SHC2: variants seen among roughly 807,000 people sequenced by gnomAD.
The protein encoded by SHC2 is SHC-transforming protein 2.
A neutral mutation model predicts 60.6 loss-of-function variants in SHC2; 62 were observed. The observed-to-expected ratio is 1.02, with a 90% confidence interval of 0.83 to 1.26. The LOEUF is 1.26. SHC2 is among the 50% of genes most tolerant of loss of function. The probability of loss-of-function intolerance (pLI) is 0.00; values close to 1 mark genes in which losing one functional copy is unlikely to be tolerated. For synonymous variants in SHC2, 375 were observed against 372.4 expected (o/e 1.01, Z -0.08); for missense variants, 873 against 822.2 (o/e 1.06, Z -0.76).
chr19:436,799 A>G, intron 4 of SHC2, 116 bp from the exon 5 acceptor site: 1 of 1,038,752 alleles, frequency 9.6e-7, no homozygotes, highest in Non-Finnish European at 1.4e-6. Context: ...GTGGGGATGG[A>G]GACGTCTCCT....
Position 424,460 on chromosome 19 carries a change from G to A in SHC2, c.1309+637C>T, listed in dbSNP as rs548836814. Among the ~76,000 whole-genome samples the A allele has an allele frequency of 1.1e-4, 17 of 152,240 alleles. No homozygotes were observed. The highest frequency in any genetic ancestry group is 3.4e-4 in the African/African-American group (14 of 41,552). ...ACTCATCAGACTAGGGAGACCCAGAGTCAGCGTGCAAGACCAGCGGGCCAG... is the reference window on the plus strand; with the variant it reads ...ACTCATCAGACTAGGGAGACCCAGAATCAGCGTGCAAGACCAGCGGGCCAG... On this transcript the variant is annotated intron_variant, in intron 10 of 12. Transcript: ENST00000264554. The surrounding 1 kb of genome is among the most constrained non-coding windows in gnomAD (Gnocchi z 4.5).
At position 422,075 on chromosome 19, in the gene SHC2, CG is replaced by C. The variant is rs1162738715; in HGVS notation, c.1620+70del. 966 of 229,470 alleles carry C rather than the reference CG, an allele frequency of 4.2e-3. 27 individuals carry two copies. The African/African-American group carries it at 0.058, about 14-fold the overall frequency. The allele number at this position is 229,470 out of a possible 1,614,324, so 14.2% of individuals were successfully genotyped here. On this transcript the variant is annotated intron_variant, in intron 11 of 12. Coordinates refer to ENST00000264554, the MANE Select transcript of SHC2 (RefSeq NM_012435.3). The surrounding 1 kb of genome is among the most constrained non-coding windows in gnomAD (Gnocchi z 5.0). ...TGCCCAGCGAAGCCCCTGGATGCCC[CG>C]AGACCCTCCCACCTGTGCCCAGCGA...
chr19:434,505 T>C (rs903547641), intron 8 of SHC2, among the ~76,000 whole-genome samples: 5 of 1,122 alleles, frequency 4.5e-3, no homozygotes, highest in African/African-American at 0.023. Flanking sequence ...AAATCATGAG[T>C]GAGATCGTGA....
intron 1 of SHC2, among the ~76,000 whole-genome samples, chr19:455,477 G>C (rs531644864): frequency 6.6e-6 from 1 of 152,246 alleles, no homozygotes; most frequent in Non-Finnish European, 1.5e-5. Flanking sequence ...CATTTGCACC[G>C]ATGCTGCCCA....
chr19:440,786 G>T lies in SHC2; in HGVS notation c.539+76C>A. 1 of 1,301,092 alleles carries T rather than the reference G, an allele frequency of 7.7e-7. No homozygotes were observed. The highest frequency in any genetic ancestry group is 1.1e-6 in the Non-Finnish European group (1 of 908,810). The allele number at this position is 1,301,092 out of a possible 1,614,324, so 80.6% of individuals were successfully genotyped here. ...CAGCGCGGCTGTCGGAGAGCCCATC[G>T]CTGCCGCCCTCCAGTGCTGCCGCCC... On this transcript the variant is annotated intron_variant, in intron 2 of 12. Coordinates refer to ENST00000264554, the MANE Select transcript of SHC2 (RefSeq NM_012435.3). This position sits in a 1 kb window ranked among gnomAD's most constrained non-coding sequence, Gnocchi z 7.0.
chr19:443,976 G>A (rs997418933), intron 1 of SHC2, among the ~76,000 whole-genome samples: 19 of 149,262 alleles, frequency 1.3e-4, no homozygotes, highest in Admixed American at 6.6e-5. Context: ...TGGATGGATG[G>A]ACGGATGGTT....
chr19:436,230 T>C lies in SHC2; in HGVS notation c.888A>G (p.Gln296=). The part of the protein sequence containing the change: ...LAQSIISTVG[Q]AFELRFKQYL... ...ACTGCTTGAAGCGCAGCTCGAAAGC[T>C]TGGCCCACGGTGCTGATGATGCTCT... The change falls in exon 7 of 13, where the codon CAA becomes CAG. Residue 296 remains glutamine (Q), a synonymous_variant. Transcript: ENST00000264554. 1 of 1,601,874 alleles carries C rather than the reference T, an allele frequency of 6.2e-7. No homozygotes were observed. Among genetic ancestry groups the C allele is most frequent in the Non-Finnish European group, 8.5e-7 (1 of 1,174,920 alleles).
At chr19:456,131 G>A (rs970786197) in intron 1 of SHC2, among the ~76,000 whole-genome samples, 5 of 152,286 alleles carry the variant, frequency 3.3e-5, no homozygotes, top group Admixed American at 3.3e-4. Flanking sequence ...GTTTCCCTCA[G>A]TGCACAGGGT....
At chr19:454,758 C>A (rs1975293869) in intron 1 of SHC2, among the ~76,000 whole-genome samples, 1 of 151,802 alleles carries the variant, frequency 6.6e-6, no homozygotes, top group South Asian at 2.1e-4. Context: ...CCACGGCACT[C>A]CAGCCTCAGC....
At chr19:443,344 G>A (rs1384133861) in intron 1 of SHC2, among the ~76,000 whole-genome samples, 1 of 145,806 alleles carries the variant, frequency 6.9e-6, no homozygotes, top group Non-Finnish European at 1.5e-5. Flanking sequence ...GTGGATGGAT[G>A]TGTAGGTGGA....
chr19:420,349 C>T (rs116670496), intron 11 of SHC2, among the ~76,000 whole-genome samples: 1 of 152,174 alleles, frequency 6.6e-6, no homozygotes, highest in Non-Finnish European at 1.5e-5. Context: ...GTGTGCTTCA[C>T]GCAGAGACCA....
At chr19:421,626 G>T (rs765814147) in intron 11 of SHC2, among the ~76,000 whole-genome samples, 1 of 152,150 alleles carries the variant, frequency 6.6e-6, no homozygotes, top group Non-Finnish European at 1.5e-5. Flanking sequence ...TGATAAATGG[G>T]GGGGGAGAGC....
chr19:456,435 G>A (rs1029850236), intron 1 of SHC2, among the ~76,000 whole-genome samples: 2 of 152,070 alleles, frequency 1.3e-5, no homozygotes, highest in Non-Finnish European at 2.9e-5. Flanking sequence ...CCTGGCCTGG[G>A]CCACCGCCGT....
intron 1 of SHC2, among the ~76,000 whole-genome samples, chr19:460,264 G>GC (rs1457440472): frequency 2.0e-5 from 3 of 152,042 alleles, no homozygotes; most frequent in African/African-American, 7.2e-5. Flanking sequence ...TCCGAGTGGG[G>GC]GGCGGTGCAC....
chr19:440,362 T>G lies in SHC2; in HGVS notation c.539+500A>C, dbSNP rs539645043. 2.0e-5 allele frequency among the ~76,000 whole-genome samples: 3 copies of G among 152,272 alleles called. No individual in the cohort carries two copies. The highest frequency in any genetic ancestry group is 6.5e-5 in the Admixed American group (1 of 15,304). ...ATATCTCACATACGCACGTGTAAAC[T>G]GTCTCACATGGTTTTTTTAAGTCTA... On this transcript the variant is annotated intron_variant, in intron 2 of 12. Transcript: ENST00000264554. This position sits in a 1 kb window ranked among gnomAD's most constrained non-coding sequence, Gnocchi z 7.0.
Position 454,863 on chromosome 19 carries a change from C to T in SHC2, c.468+5666G>A, listed in dbSNP as rs1975297795. ...GCCGGAAGCCCGTCCCCTCTGGAGG[C>T]AGCAGGGGAAGGCCCGTCCTGCCTC... On this transcript the variant is annotated intron_variant, in intron 1 of 12. Transcript: ENST00000264554. Among the ~76,000 whole-genome samples the T allele has an allele frequency of 2.0e-5, 3 of 152,086 alleles. No individual in the cohort carries two copies. The South Asian group carries it at 6.2e-4, about 32-fold the overall frequency.
At chr19:443,072 T>G (rs1600307339) in intron 1 of SHC2, among the ~76,000 whole-genome samples, 1 of 114,588 alleles carries the variant, frequency 8.7e-6, no homozygotes, top group African/African-American at 3.4e-5. Context: ...AGTGGATGGG[T>G]GGGTGGATGG....
rs529665935 is a variant in SHC2 at position 425,801 on chromosome 19, G to A, written c.1175-570C>T. ...CCCAGCACTTTGGGAGGCCGAGGTG[G>A]GTGAATCATTTGAGGTCAGGAGTTC... On this transcript the variant is annotated intron_variant, in intron 9 of 12. Transcript: ENST00000264554. This position sits in a 1 kb window ranked among gnomAD's most constrained non-coding sequence, Gnocchi z 4.1. 1.1e-4 allele frequency among the ~76,000 whole-genome samples: 16 copies of A among 152,106 alleles called. No homozygotes were observed. Among genetic ancestry groups the A allele is most frequent in the Non-Finnish European group, 1.9e-4 (13 of 67,992 alleles).
chr19:418,084 C>G (rs544398239), intron 12 of SHC2, among the ~76,000 whole-genome samples: 12 of 152,318 alleles, frequency 7.9e-5, no homozygotes, highest in East Asian at 1.9e-4. Flanking sequence ...TCACCCAGAC[C>G]TGCCTGTCCC....
Sources: allele counts gnomAD v4.1 joint callset (sites outside exome capture counted in the v4.1 genomes callset), GRCh38; gene constraint gnomAD v4.1.1; non-coding constraint Gnocchi (gnomAD v3.1); transcripts MANE v1.5; gene names NCBI Gene and HGNC (gene_info 2026-07-23, HGNC 2026-07-21).